Variants in AGAP1 observed in about 807,000 individuals in gnomAD.
The protein encoded by AGAP1 is arf-GAP with GTPase, ANK repeat and PH domain-containing protein 1.
Under a neutral mutation model 105.3 loss-of-function variants are expected in AGAP1, and 29 were observed. The observed-to-expected ratio is 0.28, with a 90% CI of 0.21 to 0.38. The LOEUF is 0.38. Ranked by LOEUF, AGAP1 falls within the 10% of genes least tolerant of loss-of-function variation. The probability of loss-of-function intolerance (pLI) is 1.00; values close to 1 mark genes in which losing one functional copy is unlikely to be tolerated. For missense variants in AGAP1, 998 were observed against 1,165.1 expected (o/e 0.86, Z 2.09); for synonymous variants, 509 against 485.9 (o/e 1.05, Z -0.63).
intron 11 of AGAP1, among the ~76,000 whole-genome samples, chr2:235,926,974 T>C (rs1034154802): frequency 6.6e-6 from 1 of 152,226 alleles, no homozygotes; most frequent in Non-Finnish European, 1.5e-5. Flanking sequence ...AATTTAATTC[T>C]ACTTTGAAAA....
chr2:236,102,384 C>G (rs567793731), intron 16 of AGAP1, among the ~76,000 whole-genome samples: 22 of 146,964 alleles, frequency 1.5e-4, no homozygotes, highest in African/African-American at 4.6e-4. Context: ...TGCCACTGCA[C>G]TCCAGCCTGG....
intron 16 of AGAP1, among the ~76,000 whole-genome samples, chr2:236,111,688 A>T (rs1426666992): frequency 6.6e-6 from 1 of 150,720 alleles, no homozygotes; most frequent in Non-Finnish European, 1.5e-5. Flanking sequence ...GCTACTTGGG[A>T]GGCTGAGTTG....
In AGAP1 at chr2:235,967,163, C is replaced by T. The variant is rs549023387; in HGVS notation, c.1484-1299C>T. ...CCACACCGGCCACCGCCACTCGGGC[C>T]CCCTCTCCGTTTCTGGAACACACCA... On this transcript the variant is annotated intron_variant, in intron 12 of 17. Transcript: ENST00000304032. This position sits in a 1 kb window ranked among gnomAD's most constrained non-coding sequence, Gnocchi z 4.7. 6.6e-6 allele frequency among the ~76,000 whole-genome samples: 1 copy of T among 152,244 alleles called. No individual in the cohort carries two copies. Among genetic ancestry groups the T allele is most frequent in the South Asian group, 2.1e-4 (1 of 4,822 alleles).
chr2:235,729,243 A>G lies in AGAP1; in HGVS notation c.310+11599A>G, dbSNP rs894087388. 9.2e-5 allele frequency among the ~76,000 whole-genome samples: 14 copies of G among 152,160 alleles called. No individual in the cohort carries two copies. The highest frequency in any genetic ancestry group is 3.4e-4 in the African/African-American group (14 of 41,400). ...GGGCGTGTGCCCCTTGAGGAGCCGC[A>G]TCCGCTTATTGGGCCTAAGAAAAAC... On this transcript the variant is annotated intron_variant, in intron 3 of 17. Transcript: ENST00000304032. The surrounding 1 kb of genome is among the most constrained non-coding windows in gnomAD (Gnocchi z 5.0).
intron 13 of AGAP1, among the ~76,000 whole-genome samples, chr2:236,031,980 T>G (rs1350447630): frequency 6.6e-6 from 1 of 152,146 alleles, no homozygotes; most frequent in Non-Finnish European, 1.5e-5. Flanking sequence ...CTTCAGCCTT[T>G]TCATATTTGT....
In AGAP1 at chr2:235,596,012, T is replaced by C. The variant is rs1945514840; in HGVS notation, c.163+101163T>C. ...GGGCCGGCAGATGTTTCTGATGTTA[T>C]GAAGCTATGCTCCTGGAAGTGGTTG... On this transcript the variant is annotated intron_variant, in intron 1 of 17. Transcript: ENST00000304032. This position sits in a 1 kb window ranked among gnomAD's most constrained non-coding sequence, Gnocchi z 5.9. 6.6e-6 allele frequency among the ~76,000 whole-genome samples: 1 copy of C among 152,218 alleles called. No individual in the cohort carries two copies. Among genetic ancestry groups the C allele is most frequent in the Admixed American group, 6.5e-5 (1 of 15,276 alleles).
At chr2:235,588,418 C>G (rs1425270954) in intron 1 of AGAP1, among the ~76,000 whole-genome samples, 1 of 152,112 alleles carries the variant, frequency 6.6e-6, no homozygotes, top group African/African-American at 2.4e-5. Flanking sequence ...TGCCAACGCA[C>G]CGTCACCTTC....
Position 235,883,630 on chromosome 2 carries a change from TTC to T in AGAP1, c.1155+189_1155+190del, listed in dbSNP as rs988121346. ...TCACACTCCACTAGACCATATGTCT[TTC>T]TCTCTCTTCCCCTCCCTACCAGTCA... is the stretch of plus-strand genomic sequence containing the variant. On this transcript the variant is annotated intron_variant, in intron 10 of 17. Coordinates refer to ENST00000304032, the MANE Select transcript of AGAP1 (RefSeq NM_001037131.3). This position sits in a 1 kb window ranked among gnomAD's most constrained non-coding sequence, Gnocchi z 4.5. 1.3e-5 allele frequency among the ~76,000 whole-genome samples: 2 copies of T among 152,170 alleles called. No individual in the cohort carries two copies. The highest frequency in any genetic ancestry group is 1.3e-4 in the Admixed American group (2 of 15,278).
intron 16 of AGAP1, among the ~76,000 whole-genome samples, chr2:236,077,284 C>G (rs2058665968): frequency 6.6e-6 from 1 of 150,674 alleles, no homozygotes; most frequent in East Asian, 2.0e-4. Flanking sequence ...TGGGCTAAAA[C>G]TATATCATGA....
At chr2:236,085,231 A>G (rs1559260736) in intron 16 of AGAP1, among the ~76,000 whole-genome samples, 1 of 151,934 alleles carries the variant, frequency 6.6e-6, no homozygotes, top group Non-Finnish European at 1.5e-5. Context: ...AAAAAAAAAA[A>G]AAAAAAAAAT....
At chr2:235,876,154 C>T (rs188003012) in intron 9 of AGAP1, among the ~76,000 whole-genome samples, 27 of 152,322 alleles carry the variant, frequency 1.8e-4, no homozygotes, top group Admixed American at 1.2e-3. Flanking sequence ...CTAGCTTCCT[C>T]ATTTGAAATT....
At chr2:235,797,957 T>C (rs1957319035) in intron 7 of AGAP1, 71 bp downstream of exon 7, 1 of 1,532,154 alleles carries the variant, frequency 6.5e-7, no homozygotes, top group African/African-American at 1.4e-5. Context: ...TCCCAGCCAA[T>C]GCTAAGGTTG....
rs2059708758 is a variant in AGAP1 at position 236,113,828 on chromosome 2, G to A, written c.2115-6364G>A. The stretch of plus-strand genomic sequence containing the variant: ...TATGTCCTGTGCTCAGTGCCTGGCT[G>A]TCCCTGTGGATGGCTTCCTGTCATG... On this transcript the variant is annotated intron_variant, in intron 16 of 17. Transcript: ENST00000304032. This position sits in a 1 kb window ranked among gnomAD's most constrained non-coding sequence, Gnocchi z 4.3. 6.6e-6 allele frequency among the ~76,000 whole-genome samples: 1 copy of A among 152,200 alleles called. No individual in the cohort carries two copies. Among genetic ancestry groups the A allele is most frequent in the Non-Finnish European group, 1.5e-5 (1 of 68,040 alleles).
intron 9 of AGAP1, among the ~76,000 whole-genome samples, chr2:235,835,416 G>GT: frequency 6.6e-6 from 1 of 152,314 alleles, no homozygotes; most frequent in East Asian, 1.9e-4. Flanking sequence ...AGCTTGGAGC[G>GT]TTTTTCTTCC....
chr2:236,125,491 T>G lies in AGAP1; in HGVS notation c.*1369T>G, dbSNP rs1426691076. On this transcript the variant is annotated 3_prime_UTR_variant, in exon 18 of 18. Transcript: ENST00000304032. The surrounding 1 kb of genome is among the most constrained non-coding windows in gnomAD (Gnocchi z 5.2). ...TTGAGAAAGAAAAAAAAAGACACAC[T>G]GGAGTATATTAGAAAGGAAAAAGAA... 6.6e-6 allele frequency: 1 copy of G among 152,066 alleles called. No individual in the cohort carries two copies. The highest frequency in any genetic ancestry group is 1.5e-5 in the Non-Finnish European group (1 of 68,004). The allele number at this position is 152,066 out of a possible 1,614,324, so 9.4% of individuals were successfully genotyped here.
chr2:235,518,949 G>C (rs1010159793), intron 1 of AGAP1, among the ~76,000 whole-genome samples: 2 of 152,216 alleles, frequency 1.3e-5, no homozygotes, highest in Non-Finnish European at 2.9e-5. Context: ...GCTGCGGCCA[G>C]TTGGCTTCAC....
intron 13 of AGAP1, among the ~76,000 whole-genome samples, chr2:236,026,659 G>C (rs566492593): frequency 6.6e-6 from 1 of 152,296 alleles, no homozygotes; most frequent in African/African-American, 2.4e-5. Flanking sequence ...AACCTGGGAG[G>C]GGGAGGTTGC....
intron 11 of AGAP1, among the ~76,000 whole-genome samples, chr2:235,922,129 A>T (rs2125108766): frequency 6.6e-6 from 1 of 152,298 alleles, no homozygotes; most frequent in South Asian, 2.1e-4. Flanking sequence ...TAGGGTTTGC[A>T]AGGTAGCCGC....
rs1200224831 is a variant in AGAP1, at chr2:235,936,439, C to A, written c.1483+5516C>A. 1.3e-5 allele frequency among the ~76,000 whole-genome samples: 2 copies of A among 152,172 alleles called. No homozygotes were observed. Among genetic ancestry groups the A allele is most frequent in the African/African-American group, 4.8e-5 (2 of 41,434 alleles). ...TGAGTTTTTGCCAGCTTTTAAATGT[C>A]TTTTCTCATTATAAAAATGTTTTGC... On this transcript the variant is annotated intron_variant, in intron 12 of 17. Transcript: ENST00000304032. This position sits in a 1 kb window ranked among gnomAD's most constrained non-coding sequence, Gnocchi z 4.7.
Sources: gnomAD v4.1 joint callset for allele counts (sites outside exome capture counted in the v4.1 genomes callset) on GRCh38, gnomAD v4.1.1 for gene constraint, Gnocchi (gnomAD v3.1) non-coding constraint, MANE v1.5 for transcripts, NCBI Gene and HGNC (gene_info 2026-07-23, HGNC 2026-07-21) for gene names.